DYNC1LI2: variants seen among roughly 807,000 people sequenced by gnomAD.
DYNC1LI2 encodes dynein cytoplasmic 1 light intermediate chain 2.
A neutral mutation model predicts 57.8 loss-of-function variants in DYNC1LI2; 19 were observed. The ratio of observed to expected loss-of-function variants is 0.33; its 90% CI spans 0.23 to 0.48. DYNC1LI2 has a LOEUF of 0.48. Among genes scored for constraint, DYNC1LI2 ranks in the 20% least tolerant of loss-of-function variants. The pLI is 0.99. For synonymous variants in DYNC1LI2, 256 were observed against 233.4 expected, an observed-to-expected ratio of 1.10 and a Z score of -0.88; for missense variants, 470 against 604.2, an observed-to-expected ratio of 0.78 and a Z score of 2.33.
intron 11 of DYNC1LI2, 92 bp from the exon 12 acceptor site, chr16:66,726,036 T>C: frequency 7.6e-7 from 1 of 1,314,448 alleles, no homozygotes; most frequent in Non-Finnish European, 1.1e-6. Context: ...TAGCCACTTG[T>C]GGCTATCAGC....
At chr16:66,730,296 G>T in intron 7 of DYNC1LI2, 73 bp from the exon 8 acceptor site, 4 of 1,318,554 alleles carry the variant, frequency 3.0e-6, no homozygotes. Flanking sequence ...TCACATTCAG[G>T]ACTCCTGGGT....
Position 66,734,220 on chromosome 16 carries a change from T to C in DYNC1LI2, c.791A>G (p.Gln264Arg), listed in dbSNP as rs1399833889. ...CCCACACAGCGCCCAAAGGATACACTGAAGGCAGAACCTCCGCAGGTGTGA... is the reference window on the plus strand; with the variant it reads ...CCCACACAGCGCCCAAAGGATACACCGAAGGCAGAACCTCCGCAGGTGTGA... Reference protein sequence around the residue: ...IQSHLRRFCLQYGAALIYTSV... With the variant: ...IQSHLRRFCLRYGAALIYTSV... Residue 264 changes from glutamine to arginine, a missense_variant and splice_region_variant, in exon 6 of 13, where the codon CAG (glutamine) becomes CGG (arginine). By Grantham distance (43) the Gln-to-Arg change is conservative. Transcript: ENST00000258198. 3.7e-6 allele frequency: 6 copies of C among 1,614,124 alleles called. No homozygotes were observed. The highest frequency in any genetic ancestry group is 5.1e-6 in the Non-Finnish European group (6 of 1,180,020).
At chr16:66,738,033 A>G (rs1424069271) in intron 4 of DYNC1LI2, among the ~76,000 whole-genome samples, 3 of 152,218 alleles carry the variant, frequency 2.0e-5, no homozygotes, top group Non-Finnish European at 4.4e-5. Flanking sequence ...GAGGACCTAG[A>G]GAAAGGTCCT....
At chr16:66,728,831 T>C (rs2017582238) in intron 9 of DYNC1LI2, among the ~76,000 whole-genome samples, 1 of 152,034 alleles carries the variant, frequency 6.6e-6, no homozygotes, top group South Asian at 2.1e-4. Flanking sequence ...TGTAGGAGAG[T>C]CTGCAAGGCA....
intron 11 of DYNC1LI2, among the ~76,000 whole-genome samples, chr16:66,726,251 C>T (rs1015953430): frequency 8.5e-5 from 13 of 152,164 alleles, no homozygotes; most frequent in African/African-American, 3.1e-4. Flanking sequence ...TCCAAACCTG[C>T]TGTGAAAAGC....
chr16:66,740,437 C>T (rs2017816097), intron 4 of DYNC1LI2, among the ~76,000 whole-genome samples: 1 of 152,152 alleles, frequency 6.6e-6, no homozygotes, highest in African/African-American at 2.4e-5. Context: ...AACAAAGGCT[C>T]CTCCAACATA....
intron 3 of DYNC1LI2, among the ~76,000 whole-genome samples, chr16:66,744,663 G>A (rs867887239): frequency 6.6e-6 from 1 of 151,904 alleles, no homozygotes; most frequent in African/African-American, 2.4e-5. Flanking sequence ...AGGTTCAAGC[G>A]ATTTTCCTGC....
In DYNC1LI2 at chr16:66,723,808, A is replaced by G; in HGVS notation, c.1393T>C (p.Leu465=). 1 of 1,600,846 alleles carries G rather than the reference A, an allele frequency of 6.2e-7. No individual in the cohort carries two copies. The highest frequency in any genetic ancestry group is 8.5e-7 in the Non-Finnish European group (1 of 1,177,030). ...TCCAGTTCTTCCTGAACATTTGACA[A>G]CACAGTCTTTTGTCCTGAAAAAAAA... ...TAKKSGQKTV[L]SNVQEELDRM... is the part of the protein sequence containing the mutation. The change falls in exon 13 of 13, where the codon TTG becomes CTG. Residue 465 remains leucine (L), a synonymous_variant. Transcript: ENST00000258198.
At chr16:66,725,782 C>A in intron 12 of DYNC1LI2, 46 bp downstream of exon 12, 1 of 1,582,778 alleles carries the variant, frequency 6.3e-7, no homozygotes, top group Non-Finnish European at 8.6e-7. Context: ...ATCCTTGCAG[C>A]ACTACTCAAC....
At chr16:66,735,537 C>T (rs1252820800) in intron 5 of DYNC1LI2, among the ~76,000 whole-genome samples, 3 of 151,838 alleles carry the variant, frequency 2.0e-5, no homozygotes, top group African/African-American at 4.8e-5. Context: ...GACGGAGTCT[C>T]GCTCTATCGC....
chr16:66,728,604 T>C (rs369219437), intron 9 of DYNC1LI2, among the ~76,000 whole-genome samples: 13 of 152,204 alleles, frequency 8.5e-5, no homozygotes, highest in Middle Eastern at 3.4e-3. Context: ...GTGACAGAAA[T>C]GGGAAGTCTG....
intron 6 of DYNC1LI2, chr16:66,732,896 C>A (rs946025945): frequency 6.5e-6 from 1 of 153,184 alleles, no homozygotes; most frequent in Admixed American, 6.5e-5. Context: ...CTACATGCGA[C>A]CAAATTTATC....
At chr16:66,749,954 G>A (rs1438332880) in intron 2 of DYNC1LI2, among the ~76,000 whole-genome samples, 1 of 152,104 alleles carries the variant, frequency 6.6e-6, no homozygotes, top group Non-Finnish European at 1.5e-5. Flanking sequence ...TAAACATCAA[G>A]GAGAACCATC....
chr16:66,749,148 T>G (rs1474333065), intron 3 of DYNC1LI2, 49 bp downstream of exon 3: 1 of 1,582,920 alleles, frequency 6.3e-7, no homozygotes, highest in Non-Finnish European at 8.7e-7. Context: ...AAGGAAGCAG[T>G]CAGAGTCCTG....
At chr16:66,727,386 T>TAAAAAAATA (rs2017555399) in intron 11 of DYNC1LI2, among the ~76,000 whole-genome samples, 1 of 152,112 alleles carries the variant, frequency 6.6e-6, no homozygotes, top group Admixed American at 6.6e-5. Context: ...ACCCTGTCTC[T>TAAAAAAATA]AAAAAAATAA....
intron 3 of DYNC1LI2, among the ~76,000 whole-genome samples, chr16:66,745,261 A>G (rs536099023): frequency 3.6e-4 from 55 of 151,560 alleles, no homozygotes; most frequent in African/African-American, 1.2e-3. Flanking sequence ...ATTAACTATT[A>G]ATACTTTTTC....
chr16:66,723,724 A>C lies in DYNC1LI2; in HGVS notation c.1477T>G (p.Ter493GlyextTer10). 1 of 1,605,252 alleles carries C rather than the reference A, an allele frequency of 6.2e-7. No homozygotes were observed. Among genetic ancestry groups the C allele is most frequent in the Non-Finnish European group, 8.5e-7 (1 of 1,177,828 alleles). The change falls in exon 13 of 13, where the codon TGA (stop) becomes GGA (glycine). Residue 493 changes from the stop codon to glycine (G), a stop_lost. Transcript: ENST00000258198. Reference sequence around the variant, plus strand: ...ACATATGCACTTTTTAAGGAGGTTCAGGCTTCATTTTCTGTTGAAGAGTTT... The same window carrying C: ...ACATATGCACTTTTTAAGGAGGTTCCGGCTTCATTTTCTGTTGAAGAGTTT... ...VTNSSTENEA[*>G]
At chr16:66,737,020 C>T (rs1036571618) in intron 4 of DYNC1LI2, among the ~76,000 whole-genome samples, 35 of 152,280 alleles carry the variant, frequency 2.3e-4, no homozygotes, top group African/African-American at 7.9e-4. Flanking sequence ...TGCCAGTAAT[C>T]TCATCACTTT....
chr16:66,748,347 C>T lies in DYNC1LI2; in HGVS notation c.298+850G>A, dbSNP rs537237396. ...AGATTATAAAGGAGGCATTACTGAG[C>T]AGTTGTAACCCAAAACCATTACTCC... On this transcript the variant is annotated intron_variant, in intron 3 of 12. Transcript: ENST00000258198. Among the ~76,000 whole-genome samples the T allele has an allele frequency of 1.7e-4, 25 of 148,680 alleles. No homozygotes were observed. In the East Asian group the frequency reaches 4.1e-3, roughly 25 times the overall value.
Sources: gnomAD v4.1 joint callset for allele counts (sites outside exome capture counted in the v4.1 genomes callset) on GRCh38, gnomAD v4.1.1 for gene constraint, MANE v1.5 for transcripts, NCBI Gene and HGNC (gene_info 2026-07-23, HGNC 2026-07-21) for gene names.